The following SLC6A11 variants were observed in gnomAD, a reference collection of about 807,000 sequenced individuals.
SLC6A11 encodes solute carrier family 6 member 11.
Under a neutral mutation model 74.8 loss-of-function variants are expected in SLC6A11, and 25 were observed. That is an observed-to-expected ratio of 0.33 (90% CI 0.24 to 0.47). The LOEUF (loss-of-function observed/expected upper bound fraction) is 0.47, where lower values mean the gene tolerates loss of function less well. Among genes scored for constraint, SLC6A11 ranks in the 20% least tolerant of loss-of-function variants. The pLI is 1.00. For missense variants in SLC6A11, 574 were observed against 837.0 expected (o/e 0.69, Z 3.88); for synonymous variants, 330 against 330.2 (o/e 1.00, Z 0.01).
At chr3:10,850,359 T>C (rs1329626171) in intron 5 of SLC6A11, among the ~76,000 whole-genome samples, 1 of 152,224 alleles carries the variant, frequency 6.6e-6, no homozygotes, top group African/African-American at 2.4e-5. Context: ...CGCTCATTCA[T>C]TCACTCACCC....
intron 6 of SLC6A11, among the ~76,000 whole-genome samples, chr3:10,906,286 T>C (rs1695301460): frequency 6.6e-6 from 1 of 152,150 alleles, no homozygotes; most frequent in Admixed American, 6.5e-5. Context: ...CCTGGAATCT[T>C]CTCACCCAAA....
chr3:10,898,191 G>A (rs1374716533), intron 6 of SLC6A11, among the ~76,000 whole-genome samples: 1 of 152,186 alleles, frequency 6.6e-6, no homozygotes, highest in Non-Finnish European at 1.5e-5. Context: ...GATGGGAGGG[G>A]CTGCTGTGAA....
chr3:10,825,455 C>G (rs1350236863), intron 4 of SLC6A11: 1 of 152,064 alleles, frequency 6.6e-6, no homozygotes, highest in Non-Finnish European at 1.5e-5. Flanking sequence ...TTTGTCTTTT[C>G]TTACAGATAG....
chr3:10,886,571 G>A (rs1021454154), intron 6 of SLC6A11, among the ~76,000 whole-genome samples: 1 of 152,176 alleles, frequency 6.6e-6, no homozygotes, highest in Admixed American at 6.5e-5. Flanking sequence ...ACTTTGGGAG[G>A]CCAAGACATG....
intron 13 of SLC6A11, among the ~76,000 whole-genome samples, chr3:10,937,926 T>C (rs771518782): frequency 1.3e-5 from 2 of 152,224 alleles, no homozygotes; most frequent in Non-Finnish European, 2.9e-5. Flanking sequence ...CACCAGGCAG[T>C]GGACCCTGAT....
intron 6 of SLC6A11, among the ~76,000 whole-genome samples, chr3:10,895,399 C>T (rs1695158330): frequency 6.6e-6 from 1 of 151,742 alleles, no homozygotes; most frequent in African/African-American, 2.4e-5. Context: ...ACATATGCAC[C>T]ATGGAATACT....
chr3:10,895,584 A>G (rs1246824173), intron 6 of SLC6A11, among the ~76,000 whole-genome samples: 1 of 152,112 alleles, frequency 6.6e-6, no homozygotes, highest in African/African-American at 2.4e-5. Context: ...AACAACACAC[A>G]CTGGGGCCTG....
chr3:10,912,203 T>A lies in SLC6A11; in HGVS notation c.995+10T>A, dbSNP rs1468468808. The stretch of plus-strand genomic sequence containing the variant: ...ACAACAACTGCTACAGGTGAGCATT[T>A]CCCTGGGCCCTGCCAGCTCTCCACC... On this transcript the variant is annotated intron_variant, in intron 7 of 13. Coordinates refer to ENST00000254488, the MANE Select transcript of SLC6A11 (RefSeq NM_014229.3). The A allele has an allele frequency of 6.4e-7, 1 of 1,573,894 alleles. No homozygotes were observed. The highest frequency in any genetic ancestry group is 1.1e-5 in the South Asian group (1 of 90,264).
chr3:10,935,385 T>C (rs1314205868), intron 13 of SLC6A11, 186 bp downstream of exon 13: 4 of 586,918 alleles, frequency 6.8e-6, no homozygotes, highest in African/African-American at 5.6e-5. Context: ...TGAAGTCTTT[T>C]GGCTGAGCCA....
intron 4 of SLC6A11, among the ~76,000 whole-genome samples, chr3:10,832,307 A>G (rs1173802255): frequency 2.6e-5 from 4 of 152,060 alleles, no homozygotes; most frequent in Non-Finnish European, 5.9e-5. Context: ...CCAGGGAGGC[A>G]CTGGGGATCC....
intron 4 of SLC6A11, among the ~76,000 whole-genome samples, chr3:10,838,345 G>A (rs1243551001): frequency 6.6e-6 from 1 of 152,190 alleles, no homozygotes; most frequent in African/African-American, 2.4e-5. Flanking sequence ...ACTGTCCTTC[G>A]ACCATCAGGC....
chr3:10,860,486 G>A (rs2106593966), intron 5 of SLC6A11, among the ~76,000 whole-genome samples: 1 of 152,280 alleles, frequency 6.6e-6, no homozygotes, highest in East Asian at 1.9e-4. Context: ...ATGGGACTTG[G>A]GGGACACCAA....
At position 10,816,241 on chromosome 3, in the gene SLC6A11, G is replaced by A; in HGVS notation, c.-25G>A. On this transcript the variant is annotated 5_prime_UTR_variant, in exon 1 of 14. Coordinates refer to ENST00000254488, the MANE Select transcript of SLC6A11 (RefSeq NM_014229.3). The surrounding 1 kb of genome is among the most constrained non-coding windows in gnomAD (Gnocchi z 4.2). ...CGGGGCGGCGGCGCAGAGCCGGGCC[G>A]GCGCACGAGGCAGCCAGCGCGGCCA... The A allele has an allele frequency of 2.3e-6, 3 of 1,288,530 alleles. No individual in the cohort carries two copies. The highest frequency in any genetic ancestry group is 9.8e-7 in the Non-Finnish European group (1 of 1,021,754). 79.8% of individuals were successfully genotyped at this position (1,288,530 alleles called of 1,614,324 possible).
intron 8 of SLC6A11, among the ~76,000 whole-genome samples, chr3:10,919,896 G>C (rs1695513314): frequency 6.6e-6 from 1 of 152,178 alleles, no homozygotes; most frequent in Admixed American, 6.5e-5. Context: ...GGAAGCAAGA[G>C]AGCTGGAACT....
chr3:10,936,537 C>A (rs150228795), intron 13 of SLC6A11, among the ~76,000 whole-genome samples: 1 of 140,216 alleles, frequency 7.1e-6, no homozygotes, highest in Non-Finnish European at 1.6e-5. Context: ...GCCTGCCCAC[C>A]GAGGGGCCTG....
intron 13 of SLC6A11, 120 bp from the exon 14 acceptor site, chr3:10,938,130 A>T (rs1695779813): frequency 3.2e-6 from 3 of 951,458 alleles, no homozygotes; most frequent in Non-Finnish European, 4.6e-6. Flanking sequence ...TGGGGCCCGG[A>T]CCTTGGTCTG....
At chr3:10,817,232 C>G (rs1694075679) in intron 1 of SLC6A11, among the ~76,000 whole-genome samples, 3 of 152,218 alleles carry the variant, frequency 2.0e-5, no homozygotes, top group Middle Eastern at 6.8e-3. Context: ...GAATTGACAA[C>G]GAACAGTTTA....
At chr3:10,822,623 G>T (rs949993810) in intron 3 of SLC6A11, among the ~76,000 whole-genome samples, 4 of 152,136 alleles carry the variant, frequency 2.6e-5, no homozygotes, top group African/African-American at 9.7e-5. Context: ...TCCTGGAGAT[G>T]GGGTTAAGGC....
chr3:10,828,372 G>C (rs1409082978), intron 4 of SLC6A11, among the ~76,000 whole-genome samples: 1 of 152,120 alleles, frequency 6.6e-6, no homozygotes, highest in Non-Finnish European at 1.5e-5. Flanking sequence ...TTGTTTTTCT[G>C]GTTTATCTTC....
Sources: gnomAD v4.1 joint callset for allele counts (sites outside exome capture counted in the v4.1 genomes callset) on GRCh38, gnomAD v4.1.1 for gene constraint, Gnocchi (gnomAD v3.1) non-coding constraint, MANE v1.5 for transcripts, NCBI Gene and HGNC (gene_info 2026-07-23, HGNC 2026-07-21) for gene names.